The following STARD13 variants were observed in gnomAD, a reference collection of about 807,000 sequenced individuals.
The protein encoded by STARD13 is StAR related lipid transfer domain containing 13, also known as stAR-related lipid transfer protein 13.
Under a neutral mutation model 106.4 loss-of-function variants are expected in STARD13, and 62 were observed. The ratio of observed to expected loss-of-function variants is 0.58; its 90% confidence interval spans 0.48 to 0.72. STARD13 has a LOEUF of 0.72. Among genes scored for constraint, STARD13 ranks in the 30% least tolerant of loss-of-function variants. STARD13 has a pLI of 0.00. For synonymous variants in STARD13, 565 were observed against 553.0 expected, an observed-to-expected ratio of 1.02 and a Z score of -0.31; for missense variants, 1,387 against 1,424.0, an observed-to-expected ratio of 0.97 and a Z score of 0.42.
At chr13:33,283,913 G>A (rs576373215) in intron 1 of STARD13, among the ~76,000 whole-genome samples, 94 of 152,264 alleles carry the variant, frequency 6.2e-4, no homozygotes, top group African/African-American at 2.1e-3. Flanking sequence ...AAGGAGGTCT[G>A]CAAAGCAATT....
chr13:33,229,652 A>T (rs1594136407), intron 1 of STARD13, among the ~76,000 whole-genome samples: 1 of 152,356 alleles, frequency 6.6e-6, no homozygotes, highest in East Asian at 1.9e-4. Flanking sequence ...ATTTACAGAA[A>T]TGGCCTGTTT....
intron 1 of STARD13, among the ~76,000 whole-genome samples, chr13:33,326,487 T>C (rs1365274203): frequency 6.6e-6 from 1 of 152,236 alleles, no homozygotes; most frequent in South Asian, 2.1e-4. Context: ...GGTTTCTTCC[T>C]GTACTCCGAC....
chr13:33,380,488 C>T, the STARD13 span, among the ~76,000 whole-genome samples: 3 of 129,278 alleles, frequency 2.3e-5, no homozygotes, highest in Non-Finnish European at 3.2e-5. Context: ...ACCCCCCCCA[C>T]ACACAAATTC....
intron 1 of STARD13, among the ~76,000 whole-genome samples, chr13:33,198,116 C>T (rs1283339312): frequency 6.6e-6 from 1 of 152,084 alleles, no homozygotes. Flanking sequence ...TGCAGTGAGC[C>T]GAGATCACGC....
At chr13:33,293,599 T>C (rs544963382) in intron 1 of STARD13, among the ~76,000 whole-genome samples, 1 of 152,314 alleles carries the variant, frequency 6.6e-6, no homozygotes, top group Admixed American at 6.5e-5. Flanking sequence ...AAAATATTGA[T>C]CCTGGGTGTG....
intron 1 of STARD13, among the ~76,000 whole-genome samples, chr13:33,214,412 A>T (rs1306932239): frequency 1.3e-5 from 2 of 152,212 alleles, no homozygotes; most frequent in Non-Finnish European, 1.5e-5. Context: ...CATTCCTGGC[A>T]GCTATAAGGC....
At chr13:33,110,135 T>C (rs1163919284) in intron 11 of STARD13, 45 bp from the exon 12 acceptor site, 14 of 1,576,722 alleles carry the variant, frequency 8.9e-6, no homozygotes, top group Non-Finnish European at 1.2e-5. Context: ...GTCTGGGATA[T>C]GGGTCCAACA....
chr13:33,123,159 C>T (rs539041978), intron 7 of STARD13, among the ~76,000 whole-genome samples: 15 of 148,446 alleles, frequency 1.0e-4, no homozygotes, highest in Non-Finnish European at 1.8e-4. Context: ...GAAAAAGTGA[C>T]AAACAGCCAG....
the STARD13 span, among the ~76,000 whole-genome samples, chr13:33,484,480 A>C: frequency 6.6e-6 from 1 of 152,254 alleles, no homozygotes; most frequent in Non-Finnish European, 1.5e-5. Flanking sequence ...CATGTGACTC[A>C]TGACTCAACT....
At chr13:33,606,584 A>G in the STARD13 span, among the ~76,000 whole-genome samples, 1 of 152,110 alleles carries the variant, frequency 6.6e-6, no homozygotes. Flanking sequence ...TCTACTTTCT[A>G]TAATTACTGC....
intron 1 of STARD13, chr13:33,185,923 C>G (rs1885720206): frequency 1.2e-6 from 2 of 1,614,110 alleles, no homozygotes; most frequent in African/African-American, 1.3e-5. Context: ...TGTTTCCCAC[C>G]ACAGACAGTG....
chr13:33,378,517 G>A, the STARD13 span, among the ~76,000 whole-genome samples: 29 of 152,304 alleles, frequency 1.9e-4, no homozygotes, highest in South Asian at 2.1e-4. Context: ...GTGGTCGGGC[G>A]CAGTGGCTCA....
the STARD13 span, among the ~76,000 whole-genome samples, chr13:33,459,085 C>T: frequency 1.3e-5 from 2 of 152,086 alleles, no homozygotes; most frequent in Non-Finnish European, 2.9e-5. Flanking sequence ...TCATTTTTTA[C>T]AGCCTATTGA....
the STARD13 span, among the ~76,000 whole-genome samples, chr13:33,537,889 C>T: frequency 6.6e-6 from 1 of 152,122 alleles, no homozygotes; most frequent in Admixed American, 6.5e-5. Context: ...CTTCCCCATA[C>T]AGAAGACAGA....
At chr13:33,327,435 T>C (rs2077788781) in intron 1 of STARD13, among the ~76,000 whole-genome samples, 1 of 152,196 alleles carries the variant, frequency 6.6e-6, no homozygotes, top group Admixed American at 6.5e-5. Context: ...AGTGGCACAA[T>C]CATAGCTCAC....
intron 1 of STARD13, among the ~76,000 whole-genome samples, chr13:33,255,103 C>CA (rs1032942967): frequency 3.5e-5 from 5 of 142,916 alleles, no homozygotes; most frequent in Admixed American, 6.7e-5. Flanking sequence ...TGTGCTCCCC[C>CA]CCCCCTCAGA....
downstream of STARD13, among the ~76,000 whole-genome samples, chr13:33,344,413 A>G (rs2077996727): frequency 2.0e-5 from 3 of 152,262 alleles, no homozygotes; most frequent in South Asian, 6.2e-4. Flanking sequence ...TACACAGAAA[A>G]GTGATGATAA....
chr13:33,447,245 A>C, the STARD13 span, among the ~76,000 whole-genome samples: 1 of 152,204 alleles, frequency 6.6e-6, no homozygotes, highest in African/African-American at 2.4e-5. Context: ...CTCTTGTACA[A>C]CTATGTGCCC....
rs750352252 is a variant in STARD13, at chr13:33,109,940, T to C, written c.2980A>G (p.Thr994Ala). 3 of 1,614,226 alleles carry C rather than the reference T, an allele frequency of 1.9e-6. No individual in the cohort carries two copies. The highest frequency in any genetic ancestry group is 2.5e-6 in the Non-Finnish European group (3 of 1,180,038). ...TTCAGCACATACTGGTAGATCTCTG[T>C]TTGCCTGTCTAGAGTTTCCACAACC... Reference protein sequence around the residue: ...WKVVETLDRQTEIYQYVLNSM... With the variant: ...WKVVETLDRQAEIYQYVLNSM... Residue 994 changes from threonine to alanine, a missense_variant, in exon 12 of 14, where the codon ACA (threonine) becomes GCA (alanine). Coordinates refer to ENST00000336934, the MANE Select transcript of STARD13 (RefSeq NM_178006.4).
Sources: allele counts gnomAD v4.1 joint callset (sites outside exome capture counted in the v4.1 genomes callset), GRCh38; gene constraint gnomAD v4.1.1; transcripts MANE v1.5; gene names NCBI Gene and HGNC (gene_info 2026-07-23, HGNC 2026-07-21).